The following KCNQ1 variants were observed in gnomAD, a reference collection of about 807,000 sequenced individuals.
The protein encoded by KCNQ1 is potassium voltage-gated channel subfamily Q member 1, also known as potassium voltage-gated channel subfamily KQT member 1.
A neutral mutation model predicts 72.4 loss-of-function variants in KCNQ1; 49 were observed. That is an observed-to-expected ratio of 0.68 (90% confidence interval 0.54 to 0.86). The LOEUF (loss-of-function observed/expected upper bound fraction) is 0.86. Ranked by LOEUF, KCNQ1 falls within the 40% of genes least tolerant of loss-of-function variation. The probability of loss-of-function intolerance (pLI) is 0.00; values close to 1 mark genes in which losing one functional copy is unlikely to be tolerated. For synonymous variants in KCNQ1, 450 were observed against 412.6 expected (o/e 1.09, Z -1.10); for missense variants, 790 against 945.1 (o/e 0.84, Z 2.15).
chr11:2,766,307 C>A lies in KCNQ1; in HGVS notation c.1515-2537C>A, dbSNP rs746529406. Among the ~76,000 whole-genome samples, 2 of 152,244 alleles carry A rather than the reference C, an allele frequency of 1.3e-5. No homozygotes were observed. The highest frequency in any genetic ancestry group is 2.4e-5 in the African/African-American group (1 of 41,464). ...GGGTGGTCTCACTTGGATTCGATGA[C>A]ATGGCAGTACTTGCATGGTGATGTG... is the stretch of plus-strand genomic sequence containing the variant. On this transcript the variant is annotated intron_variant, in intron 11 of 15. Coordinates refer to ENST00000155840, the MANE Select transcript of KCNQ1 (RefSeq NM_000218.3). This position sits in a 1 kb window ranked among gnomAD's most constrained non-coding sequence, Gnocchi z 4.4.
At chr11:2,582,432 C>T (rs1316363561) in intron 6 of KCNQ1, among the ~76,000 whole-genome samples, 2 of 152,220 alleles carry the variant, frequency 1.3e-5, no homozygotes, top group Admixed American at 1.3e-4. Context: ...GCACTGGGCC[C>T]ATAGGGCTGG....
At chr11:2,680,138 C>T (rs1164200023) in intron 11 of KCNQ1, 11 of 396,102 alleles carry the variant, frequency 2.8e-5, no homozygotes, top group African/African-American at 1.9e-4. Context: ...GTGATCTGCC[C>T]GCCTCAGCCT....
intron 10 of KCNQ1, chr11:2,656,169 T>C (rs560855435): frequency 3.0e-4 from 119 of 398,658 alleles, no homozygotes; most frequent in South Asian, 1.7e-3. Context: ...CATCAAAATA[T>C]GTTTTTTCTT....
In KCNQ1 at chr11:2,664,017, T is replaced by C. The variant is rs1850017455; in HGVS notation, c.1514+1936T>C. On this transcript the variant is annotated intron_variant, in intron 11 of 15. Transcript: ENST00000155840. This position sits in a 1 kb window ranked among gnomAD's most constrained non-coding sequence, Gnocchi z 5.1. Reference sequence around the variant, plus strand: ...CTTTGGGTCTGGCACATTACCATTCTGCAAGATCCTGCAGCCTTTTCAGGT... The same window carrying C: ...CTTTGGGTCTGGCACATTACCATTCCGCAAGATCCTGCAGCCTTTTCAGGT... 1 of 398,750 alleles carries C rather than the reference T, an allele frequency of 2.5e-6. No individual in the cohort carries two copies. Among genetic ancestry groups the C allele is most frequent in the Non-Finnish European group, 4.4e-6 (1 of 226,136 alleles). The allele number at this position is 398,750 out of a possible 1,614,324, so 24.7% of individuals were successfully genotyped here.
At chr11:2,797,064 G>T (rs1047209971) in intron 15 of KCNQ1, among the ~76,000 whole-genome samples, 5 of 152,222 alleles carry the variant, frequency 3.3e-5, no homozygotes, top group Non-Finnish European at 5.9e-5. Flanking sequence ...GGCCACAACG[G>T]GGCATTGTTC....
chr11:2,568,772 C>T (rs760527774), intron 2 of KCNQ1, among the ~76,000 whole-genome samples: 75 of 152,346 alleles, frequency 4.9e-4, no homozygotes, highest in Non-Finnish European at 9.1e-4. Flanking sequence ...GGACCTCAGC[C>T]TAGAGCCCTG....
chr11:2,588,598 C>T lies in KCNQ1; in HGVS notation c.1252-115C>T, dbSNP rs78594175. On this transcript the variant is annotated intron_variant, in intron 9 of 15. Transcript: ENST00000155840. This position sits in a 1 kb window ranked among gnomAD's most constrained non-coding sequence, Gnocchi z 5.6. The stretch of plus-strand genomic sequence containing the variant: ...TGGCCCCAGGCCTCAGGTCCCTGTC[C>T]GGGTGTATGTGGCGGGGGCTGGGCT... 1.5e-3 allele frequency: 1,878 copies of T among 1,293,062 alleles called. 46 individuals carry two copies. The Admixed American group carries it at 0.031, about 22-fold the overall frequency. The allele number at this position is 1,293,062 out of a possible 1,614,324, so 80.1% of individuals were successfully genotyped here. A position where few individuals can be genotyped will look rare whatever the true frequency, so the allele number is the denominator to read the frequency against.
Position 2,611,147 on chromosome 11 carries a change from G to T in KCNQ1, c.1393+22293G>T, listed in dbSNP as rs554756109. On this transcript the variant is annotated intron_variant, in intron 10 of 15. Coordinates refer to ENST00000155840, the MANE Select transcript of KCNQ1 (RefSeq NM_000218.3). This position sits in a 1 kb window ranked among gnomAD's most constrained non-coding sequence, Gnocchi z 5.3. The stretch of plus-strand genomic sequence containing the variant: ...TTCTTCCTGTTAAATTTTCCCTTTT[G>T]TCATTGTAAAATGCTTCTCAGTATC... 3 of 398,246 alleles carry T rather than the reference G, an allele frequency of 7.5e-6. No homozygotes were observed. Among genetic ancestry groups the T allele is most frequent in the African/African-American group, 4.1e-5 (2 of 48,616 alleles). 24.7% of individuals were successfully genotyped at this position (398,246 alleles called of 1,614,324 possible).
chr11:2,659,669 C>A lies in KCNQ1; in HGVS notation c.1394-2292C>A. On this transcript the variant is annotated intron_variant, in intron 10 of 15. Transcript: ENST00000155840. The surrounding 1 kb of genome is among the most constrained non-coding windows in gnomAD (Gnocchi z 4.3). ...GTATGTTTAACTTAATAAGAAATTGCTAAACTATTTCCTAAAGTCACTGTG... is the reference window on the plus strand; with the variant it reads ...GTATGTTTAACTTAATAAGAAATTGATAAACTATTTCCTAAAGTCACTGTG... The A allele has an allele frequency of 2.5e-6, 1 of 398,498 alleles. No homozygotes were observed. Among genetic ancestry groups the A allele is most frequent in the Non-Finnish European group, 4.4e-6 (1 of 226,002 alleles). The allele number at this position is 398,498 out of a possible 1,614,324, so 24.7% of individuals were successfully genotyped here.
At chr11:2,756,217 A>G (rs1003178319) in intron 11 of KCNQ1, among the ~76,000 whole-genome samples, 40 of 152,334 alleles carry the variant, frequency 2.6e-4, no homozygotes, top group African/African-American at 9.1e-4. Flanking sequence ...GTGAGAATGA[A>G]CAGGAGTGTG....
At chr11:2,696,171 T>TTTA in intron 11 of KCNQ1, 1 of 398,652 alleles carries the variant, frequency 2.5e-6, no homozygotes, top group Non-Finnish European at 4.4e-6. Context: ...CTGGATCCTG[T>TTTA]TTAAGAACCC....
rs528012606 is a variant in KCNQ1 at position 2,798,232 on chromosome 11, C to T, written c.1794+20195C>T. Among the ~76,000 whole-genome samples, 40 of 152,278 alleles carry T rather than the reference C, an allele frequency of 2.6e-4. No homozygotes were observed. In the East Asian group the frequency reaches 4.3e-3, roughly 16 times the overall value. ...CAAGAGGAAGGGGCTGGACCGTCCA[C>T]GCCCTGGGTTCCCAACCACCCTTCC... On this transcript the variant is annotated intron_variant, in intron 15 of 15. Coordinates refer to ENST00000155840, the MANE Select transcript of KCNQ1 (RefSeq NM_000218.3).
At chr11:2,740,130 A>C (rs1445885488) in intron 11 of KCNQ1, among the ~76,000 whole-genome samples, 1 of 152,152 alleles carries the variant, frequency 6.6e-6, no homozygotes, top group Non-Finnish European at 1.5e-5. Context: ...GGTTGCTCTC[A>C]AACCATGAGA....
At chr11:2,628,957 C>T (rs944383508) in intron 10 of KCNQ1, 7 of 398,180 alleles carry the variant, frequency 1.8e-5, no homozygotes, top group African/African-American at 1.4e-4. Flanking sequence ...GCTTTCTATT[C>T]TGTTCCATTG....
chr11:2,664,571 C>T lies in KCNQ1; in HGVS notation c.1514+2490C>T. 1 of 398,660 alleles carries T rather than the reference C, an allele frequency of 2.5e-6. No individual in the cohort carries two copies. Among genetic ancestry groups the T allele is most frequent in the Non-Finnish European group, 4.4e-6 (1 of 226,110 alleles). The allele number at this position is 398,660 out of a possible 1,614,324, so 24.7% of individuals were successfully genotyped here. A position where few individuals can be genotyped will look rare whatever the true frequency, so the allele number is the denominator to read the frequency against. On this transcript the variant is annotated intron_variant, in intron 11 of 15. Transcript: ENST00000155840. This position sits in a 1 kb window ranked among gnomAD's most constrained non-coding sequence, Gnocchi z 5.1. ...GTGTGGGGGCCGTGCAGGTCTTCTG[C>T]CCGCATTGGGGCTGCATTCCTCCAC...
chr11:2,754,343 A>G (rs1268953181), intron 11 of KCNQ1, among the ~76,000 whole-genome samples: 2 of 152,258 alleles, frequency 1.3e-5, no homozygotes, highest in African/African-American at 4.8e-5. Flanking sequence ...TCTCACCTGC[A>G]GCCCAGGCAT....
intron 1 of KCNQ1, among the ~76,000 whole-genome samples, chr11:2,505,826 C>G (rs1187912844): frequency 6.6e-6 from 1 of 152,090 alleles, no homozygotes; most frequent in Non-Finnish European, 1.5e-5. Flanking sequence ...CATGGAACCT[C>G]TTTCTCCACT....
At position 2,566,654 on chromosome 11, in the gene KCNQ1, G is replaced by A. The variant is rs1276544352; in HGVS notation, c.478-3974G>A. On this transcript the variant is annotated intron_variant, in intron 2 of 15. Transcript: ENST00000155840. This position sits in a 1 kb window ranked among gnomAD's most constrained non-coding sequence, Gnocchi z 6.7. ...AGGGGCCTCCTTGTCCCTTTGGTCT[G>A]TTTGTGGTCTCAGTGGAGACCAAGG... is the stretch of plus-strand genomic sequence containing the variant. Among the ~76,000 whole-genome samples, 2 of 152,154 alleles carry A rather than the reference G, an allele frequency of 1.3e-5. No homozygotes were observed. The highest frequency in any genetic ancestry group is 2.4e-5 in the African/African-American group (1 of 41,422).
Position 2,762,889 on chromosome 11 carries a change from C to T in KCNQ1, c.1515-5955C>T, listed in dbSNP as rs1173592372. Among the ~76,000 whole-genome samples the T allele has an allele frequency of 1.3e-5, 2 of 152,150 alleles. No homozygotes were observed. Among genetic ancestry groups the T allele is most frequent in the East Asian group, 1.9e-4 (1 of 5,192 alleles). ...AGGTTGGGGAACCACTGCCCTATTCCGTCAGACCCCCACTGTTCATCTGTC... is the reference window on the plus strand; with the variant it reads ...AGGTTGGGGAACCACTGCCCTATTCTGTCAGACCCCCACTGTTCATCTGTC... On this transcript the variant is annotated intron_variant, in intron 11 of 15. Transcript: ENST00000155840. This position sits in a 1 kb window ranked among gnomAD's most constrained non-coding sequence, Gnocchi z 4.3.
Sources: allele counts gnomAD v4.1 joint callset (sites outside exome capture counted in the v4.1 genomes callset), GRCh38; gene constraint gnomAD v4.1.1; non-coding constraint Gnocchi (gnomAD v3.1); transcripts MANE v1.5; gene names NCBI Gene and HGNC (gene_info 2026-07-23, HGNC 2026-07-21).